Variants in UBIAD1 observed in about 807,000 individuals in gnomAD.
UBIAD1 encodes the protein ubiA prenyltransferase domain-containing protein 1.
A neutral mutation model predicts 20.1 loss-of-function variants in UBIAD1; 12 were observed. The observed-to-expected ratio is 0.60, with a 90% confidence interval of 0.38 to 0.97. The LOEUF is 0.97. UBIAD1 is among the 50% of genes least tolerant of loss of function. The pLI is 0.00. For synonymous variants in UBIAD1, 207 were observed against 189.2 expected (o/e 1.09, Z -0.77); for missense variants, 333 against 419.5 (o/e 0.79, Z 1.80).
intron 1 of UBIAD1, among the ~76,000 whole-genome samples, chr1:11,281,728 C>T (rs1288976295): frequency 6.6e-6 from 1 of 152,208 alleles, no homozygotes; most frequent in Admixed American, 6.5e-5. Flanking sequence ...ATCCCACACT[C>T]CCTGCCCCCA....
chr1:11,298,293 C>T (rs1444044765), downstream of UBIAD1, among the ~76,000 whole-genome samples: 1 of 152,030 alleles, frequency 6.6e-6, no homozygotes, highest in Admixed American at 6.6e-5. This position sits in a 1 kb window ranked among gnomAD's most constrained non-coding sequence, Gnocchi z 4.0. Context: ...TTGGGCCAGA[C>T]ACAGTGGCTT....
At chr1:11,278,238 A>AC (rs1652123751) in intron 1 of UBIAD1, among the ~76,000 whole-genome samples, 1 of 152,190 alleles carries the variant, frequency 6.6e-6, no homozygotes, top group Admixed American at 6.5e-5. Context: ...GATTACAGAC[A>AC]TGAGCCACTG....
chr1:11,298,706 T>G (rs1436507148), downstream of UBIAD1, among the ~76,000 whole-genome samples: 4 of 152,194 alleles, frequency 2.6e-5, no homozygotes, highest in African/African-American at 9.6e-5. This position sits in a 1 kb window ranked among gnomAD's most constrained non-coding sequence, Gnocchi z 4.0. Flanking sequence ...ATCCTGGGTA[T>G]TCAGTAGGTG....
chr1:11,273,989 C>T lies in UBIAD1; in HGVS notation c.458C>T (p.Ser153Phe), dbSNP rs143565896. The change falls in exon 1 of 2, where the codon TCC becomes TTC. Residue 153 changes from serine to phenylalanine, a missense_variant. This residue lies in a region of UBIAD1 where 226 missense variants were observed against 263.5 expected (regional missense o/e 0.86). Transcript: ENST00000376810. This position sits in a 1 kb window ranked among gnomAD's most constrained non-coding sequence, Gnocchi z 4.9. ...CVCAACLYYL[S>F]PLKLEHLALI... ...TGTGCCGCTTGCCTCTACTACCTGT[C>T]CCCTCTGAAACTGGAGCACTTGGCT... The T allele has an allele frequency of 3.7e-6, 6 of 1,614,202 alleles. No homozygotes were observed. The highest frequency in any genetic ancestry group is 1.3e-5 in the African/African-American group (1 of 75,056).
Position 11,273,224 on chromosome 1 carries a change from G to T in UBIAD1, c.-308G>T. On this transcript the variant is annotated 5_prime_UTR_variant, in exon 1 of 2. Transcript: ENST00000376810. The surrounding 1 kb of genome is among the most constrained non-coding windows in gnomAD (Gnocchi z 4.9). ...TTTCCGGGCGGGCCTCCAGAGGCCGGCGCACAAGATGGCGGCTCTGGCGGC... is the reference window on the plus strand; with the variant it reads ...TTTCCGGGCGGGCCTCCAGAGGCCGTCGCACAAGATGGCGGCTCTGGCGGC... 1 of 382,590 alleles carries T rather than the reference G, an allele frequency of 2.6e-6. No homozygotes were observed. The highest frequency in any genetic ancestry group is 4.8e-6 in the Non-Finnish European group (1 of 206,326). The allele number at this position is 382,590 out of a possible 1,614,324, so 23.7% of individuals were successfully genotyped here.
downstream of UBIAD1, among the ~76,000 whole-genome samples, chr1:11,297,962 T>G (rs1638473990): frequency 7.1e-6 from 1 of 141,444 alleles, no homozygotes; most frequent in South Asian, 2.2e-4. Flanking sequence ...GTTTTTTGTT[T>G]TTTTGTTTTT....
chr1:11,279,857 T>C (rs540692316), intron 1 of UBIAD1, among the ~76,000 whole-genome samples: 1 of 152,308 alleles, frequency 6.6e-6, no homozygotes, highest in South Asian at 2.1e-4. Flanking sequence ...GGTGAGGTCA[T>C]CAAGGGGGAG....
At chr1:11,297,147 CATGTTGAATCCTA>C (rs1016947831), downstream of UBIAD1, among the ~76,000 whole-genome samples, 16 of 152,220 alleles carry the variant, frequency 1.1e-4, no homozygotes, top group African/African-American at 3.9e-4. Context: ...CTCCCAGATT[CATGTTGAATCCTA>C]ATGTTGAATC....
downstream of UBIAD1, among the ~76,000 whole-genome samples, chr1:11,297,957 T>C (rs1336592704): frequency 7.1e-6 from 1 of 141,396 alleles, no homozygotes; most frequent in African/African-American, 3.1e-5. Flanking sequence ...TTATTGTTTT[T>C]TGTTTTTTTG....
At chr1:11,289,181 T>G (rs1409848198), downstream of UBIAD1, among the ~76,000 whole-genome samples, 1 of 152,040 alleles carries the variant, frequency 6.6e-6, no homozygotes, top group Non-Finnish European at 1.5e-5. Flanking sequence ...GAGCAGGCGG[T>G]GGGAGAGAGC....
intron 1 of UBIAD1, among the ~76,000 whole-genome samples, chr1:11,274,904 G>A (rs1651952866): frequency 2.0e-5 from 3 of 152,192 alleles, no homozygotes; most frequent in Non-Finnish European, 2.9e-5. Context: ...CACCATGCCC[G>A]GCCTATATGG....
chr1:11,277,487 GTC>G (rs764881740), intron 1 of UBIAD1, among the ~76,000 whole-genome samples: 35 of 151,914 alleles, frequency 2.3e-4, no homozygotes, highest in Non-Finnish European at 3.5e-4. Flanking sequence ...GGCCAGGCTG[GTC>G]TCTCTAACTC....
At position 11,274,497 on chromosome 1, in the gene UBIAD1, C is replaced by A. The variant is rs942431679; in HGVS notation, c.529+437C>A. On this transcript the variant is annotated intron_variant, in intron 1 of 1. Coordinates refer to ENST00000376810, the MANE Select transcript of UBIAD1 (RefSeq NM_013319.3). ...TATTTTTATTAGAGACGGGGTGTCACCATGTTGGCCAGGATGGTCTCGATT... is the reference window on the plus strand; with the variant it reads ...TATTTTTATTAGAGACGGGGTGTCAACATGTTGGCCAGGATGGTCTCGATT... Among the ~76,000 whole-genome samples, 20 of 151,622 alleles carry A rather than the reference C, an allele frequency of 1.3e-4. No homozygotes were observed. In the East Asian group the frequency reaches 3.9e-3, roughly 29 times the overall value.
chr1:11,291,481 A>G (rs1290059225), downstream of UBIAD1, among the ~76,000 whole-genome samples: 1 of 151,732 alleles, frequency 6.6e-6, no homozygotes, highest in Non-Finnish European at 1.5e-5. Context: ...GTGGTGCACA[A>G]CTGTAATCCC....
In UBIAD1 at chr1:11,283,132, G is replaced by A. The variant is rs576048699; in HGVS notation, c.530-2512G>A. Among the ~76,000 whole-genome samples the A allele has an allele frequency of 2.6e-5, 4 of 152,272 alleles. No individual in the cohort carries two copies. The East Asian group carries it at 5.8e-4, about 22-fold the overall frequency. ...CTGCTTCAGCCTCCCAAAGTGCTGGGATTACAGGCGTGAGCCACCATACCT... is the reference window on the plus strand; with the variant it reads ...CTGCTTCAGCCTCCCAAAGTGCTGGAATTACAGGCGTGAGCCACCATACCT... On this transcript the variant is annotated intron_variant, in intron 1 of 1. Coordinates refer to ENST00000376810, the MANE Select transcript of UBIAD1 (RefSeq NM_013319.3).
At chr1:11,280,831 A>G (rs1652217860) in intron 1 of UBIAD1, among the ~76,000 whole-genome samples, 1 of 152,136 alleles carries the variant, frequency 6.6e-6, no homozygotes, top group African/African-American at 2.4e-5. Context: ...GGTCCCATTC[A>G]GGCTGTTCCC....
intron 1 of UBIAD1, among the ~76,000 whole-genome samples, chr1:11,277,248 TAAA>T (rs971356599): frequency 6.6e-6 from 1 of 150,988 alleles, no homozygotes; most frequent in African/African-American, 2.4e-5. Context: ...TAAAAAAAAT[TAAA>T]AAAATCAAAC....
In UBIAD1 at chr1:11,273,330, T is replaced by G. The variant is rs2101011989; in HGVS notation, c.-202T>G. On this transcript the variant is annotated 5_prime_UTR_variant, in exon 1 of 2. Coordinates refer to ENST00000376810, the MANE Select transcript of UBIAD1 (RefSeq NM_013319.3). This position sits in a 1 kb window ranked among gnomAD's most constrained non-coding sequence, Gnocchi z 4.9. Reference sequence around the variant, plus strand: ...AGACAGACTTCGCCCAGGTGACGGGTAGTAGGGGCGGCGCCGCTTGGCCTC... The same window carrying G: ...AGACAGACTTCGCCCAGGTGACGGGGAGTAGGGGCGGCGCCGCTTGGCCTC... The G allele has an allele frequency of 6.6e-6, 4 of 607,458 alleles. No homozygotes were observed. Among genetic ancestry groups the G allele is most frequent in the East Asian group, 2.9e-5 (1 of 34,980 alleles). 37.6% of individuals were successfully genotyped at this position (607,458 alleles called of 1,614,324 possible). A position where few individuals can be genotyped will look rare whatever the true frequency, so the allele number is the denominator to read the frequency against.
downstream of UBIAD1, among the ~76,000 whole-genome samples, chr1:11,296,572 G>A (rs1161561666): frequency 6.6e-6 from 1 of 152,254 alleles, no homozygotes; most frequent in East Asian, 1.9e-4. Context: ...AGGGTGGAGT[G>A]CAGTAGCACA....
Sources: gnomAD v4.1 joint callset for allele counts (sites outside exome capture counted in the v4.1 genomes callset) on GRCh38, gnomAD v4.1.1 for gene constraint, gnomAD v4.1.1 regional missense constraint, Gnocchi (gnomAD v3.1) non-coding constraint, MANE v1.5 for transcripts, NCBI Gene and HGNC (gene_info 2026-07-23, HGNC 2026-07-21) for gene names.